The following FUT9 variants were observed in gnomAD, a reference collection of about 807,000 sequenced individuals.
The protein encoded by FUT9 is fucosyltransferase 9.
FUT9 carries 15 observed loss-of-function variants against 29.7 expected under a neutral mutation model. The ratio of observed to expected loss-of-function variants is 0.51; its 90% CI spans 0.34 to 0.78. The LOEUF (loss-of-function observed/expected upper bound fraction) is 0.78. Among genes scored for constraint, FUT9 ranks in the 30% least tolerant of loss-of-function variants. FUT9 has a pLI of 0.01. For missense variants in FUT9, 319 were observed against 425.4 expected, an observed-to-expected ratio of 0.75 and a Z score of 2.20; for synonymous variants, 169 against 153.7, an observed-to-expected ratio of 1.10 and a Z score of -0.74.
chr6:96,120,688 T>A (rs183690224), intron 2 of FUT9, among the ~76,000 whole-genome samples: 1 of 123,416 alleles, frequency 8.1e-6, no homozygotes, highest in African/African-American at 2.8e-5. Flanking sequence ...CAGTTTTGAC[T>A]TCTAAACAAA....
chr6:96,176,112 T>C (rs1436878343), intron 2 of FUT9, among the ~76,000 whole-genome samples: 2 of 152,144 alleles, frequency 1.3e-5, no homozygotes, highest in African/African-American at 4.8e-5. Context: ...GCCCCTTCCC[T>C]CTCTACCTTC....
intron 2 of FUT9, among the ~76,000 whole-genome samples, chr6:96,138,484 T>A (rs1582260837): frequency 1.0e-4 from 1 of 9,824 alleles, no homozygotes; most frequent in South Asian, 0.022. Context: ...TGTTCCTTGC[T>A]TTTTTTTTTT....
intron 2 of FUT9, among the ~76,000 whole-genome samples, chr6:96,127,905 T>C (rs1199627569): frequency 1.3e-5 from 2 of 152,158 alleles, no homozygotes; most frequent in Non-Finnish European, 2.9e-5. Context: ...TTGTTTAAGT[T>C]CTTATAGATT....
At chr6:96,194,934 C>G (rs1773595610) in intron 2 of FUT9, among the ~76,000 whole-genome samples, 2 of 151,968 alleles carry the variant, frequency 1.3e-5, no homozygotes, top group Admixed American at 6.6e-5. Context: ...TCTCATGGCT[C>G]TAGCCACAGC....
intron 1 of FUT9, among the ~76,000 whole-genome samples, chr6:96,032,570 A>T (rs1770282694): frequency 6.6e-6 from 1 of 151,630 alleles, no homozygotes. Flanking sequence ...ACTCTCCTAG[A>T]TACCTAGTTG....
intron 2 of FUT9, among the ~76,000 whole-genome samples, chr6:96,156,277 A>G (rs1339381198): frequency 6.6e-6 from 1 of 152,158 alleles, no homozygotes; most frequent in East Asian, 1.9e-4. Context: ...GGTGTTTATG[A>G]ACACAACTTT....
At chr6:96,056,860 G>A (rs1770780781) in intron 1 of FUT9, among the ~76,000 whole-genome samples, 2 of 152,100 alleles carry the variant, frequency 1.3e-5, no homozygotes, top group African/African-American at 4.8e-5. Context: ...CTTAACGATG[G>A]TCTGACTTGG....
In FUT9 at chr6:96,108,727, G is replaced by T. The variant is rs7768089; in HGVS notation, c.-97-5312G>T. 6.6e-4 allele frequency among the ~76,000 whole-genome samples: 101 copies of T among 151,944 alleles called. 1 individual carries two copies. The highest frequency in any genetic ancestry group is 3.4e-3 in the Middle Eastern group (1 of 294). On this transcript the variant is annotated intron_variant, in intron 1 of 2. Coordinates refer to ENST00000302103, the MANE Select transcript of FUT9 (RefSeq NM_006581.4). Reference sequence around the variant, plus strand: ...TTTGCTCATGCTGAAGTGCCTTGTCGTTATTCAGTATTCACTTTGCATAAC... The same window carrying T: ...TTTGCTCATGCTGAAGTGCCTTGTCTTTATTCAGTATTCACTTTGCATAAC...
chr6:96,113,114 G>A (rs1276652411), intron 1 of FUT9, among the ~76,000 whole-genome samples: 2 of 152,050 alleles, frequency 1.3e-5, no homozygotes, highest in African/African-American at 4.8e-5. Flanking sequence ...CTGTAAATGG[G>A]AAACTTTAAA....
At chr6:96,080,795 T>C (rs769783948) in intron 1 of FUT9, among the ~76,000 whole-genome samples, 17 of 151,920 alleles carry the variant, frequency 1.1e-4, no homozygotes, top group Non-Finnish European at 2.4e-4. Context: ...TCAAAATGCA[T>C]ATATCTAACT....
chr6:96,195,132 A>G (rs1456814276), intron 2 of FUT9, among the ~76,000 whole-genome samples: 1 of 152,178 alleles, frequency 6.6e-6, no homozygotes, highest in Admixed American at 6.6e-5. Context: ...GTACAGGAAA[A>G]GCGGTAGTTG....
intron 1 of FUT9, among the ~76,000 whole-genome samples, chr6:96,016,898 C>T (rs912633230): frequency 2.6e-5 from 4 of 152,188 alleles, no homozygotes; most frequent in African/African-American, 9.7e-5. Context: ...AGACAAAAAC[C>T]AAACCCTTTG....
At chr6:96,188,941 T>C (rs970015606) in intron 2 of FUT9, among the ~76,000 whole-genome samples, 1 of 152,072 alleles carries the variant, frequency 6.6e-6, no homozygotes, top group African/African-American at 2.4e-5. Flanking sequence ...CTTTGCCTTA[T>C]GAGCCTGGTT....
At chr6:96,172,233 A>G (rs1773124999) in intron 2 of FUT9, among the ~76,000 whole-genome samples, 1 of 152,082 alleles carries the variant, frequency 6.6e-6, no homozygotes, top group Admixed American at 6.6e-5. Flanking sequence ...ACCTCCTAAT[A>G]CCAAAACACT....
intron 2 of FUT9, among the ~76,000 whole-genome samples, chr6:96,142,624 C>G (rs755012915): frequency 2.6e-5 from 4 of 152,182 alleles, no homozygotes; most frequent in African/African-American, 9.7e-5. Flanking sequence ...GTCCCACCCC[C>G]ACCTGAGAAG....
chr6:96,037,414 A>C (rs1228421085), intron 1 of FUT9: 1 of 152,098 alleles, frequency 6.6e-6, no homozygotes, highest in East Asian at 1.9e-4. Context: ...TAATTCAGTA[A>C]ATAAATTTAA....
chr6:96,030,120 C>G (rs1486741846), intron 1 of FUT9, among the ~76,000 whole-genome samples: 1 of 151,554 alleles, frequency 6.6e-6, no homozygotes, highest in Non-Finnish European at 1.5e-5. Context: ...AAGGCCTGAA[C>G]AACATCCTCA....
chr6:96,036,790 T>A (rs190462534), intron 1 of FUT9: 1 of 152,052 alleles, frequency 6.6e-6, no homozygotes, highest in East Asian at 1.9e-4. Flanking sequence ...ATCTTAATAA[T>A]CATCCCACCT....
intron 2 of FUT9, among the ~76,000 whole-genome samples, chr6:96,139,436 T>C (rs9399781): frequency 0.59 from 89,585 of 152,022 alleles, 26,798 homozygotes; most frequent in East Asian, 0.69. Context: ...GCAAGCTGTT[T>C]GTATATCTAT....
Sources: gnomAD v4.1 joint callset for allele counts (sites outside exome capture counted in the v4.1 genomes callset) on GRCh38, gnomAD v4.1.1 for gene constraint, MANE v1.5 for transcripts, NCBI Gene and HGNC (gene_info 2026-07-23, HGNC 2026-07-21) for gene names.